NPHP3: variants seen among roughly 807,000 people sequenced by gnomAD.
The protein encoded by NPHP3 is nephrocystin-3.
In NPHP3, 123 loss-of-function variants were observed where a neutral mutation model predicts 171.9. That is an observed-to-expected ratio of 0.72 (90% confidence interval 0.62 to 0.83). The LOEUF is 0.83. Ranked by LOEUF, NPHP3 falls within the 40% of genes least tolerant of loss-of-function variation. The pLI is 0.00. For synonymous variants in NPHP3, 558 were observed against 579.2 expected (o/e 0.96, Z 0.52); for missense variants, 1,506 against 1,591.9 (o/e 0.95, Z 0.92).
intron 8 of NPHP3, among the ~76,000 whole-genome samples, chr3:132,704,976 G>T (rs1170299483): frequency 6.6e-6 from 1 of 152,048 alleles, no homozygotes; most frequent in African/African-American, 2.4e-5. Context: ...GTTGCCAGAG[G>T]TCATATCATT....
rs1346771272 is a variant in NPHP3 at position 132,699,964 on chromosome 3, T to C, written c.1841A>G (p.His614Arg). 4 of 1,614,078 alleles carry C rather than the reference T, an allele frequency of 2.5e-6. No individual in the cohort carries two copies. Among genetic ancestry groups the C allele is most frequent in the East Asian group, 4.5e-5 (2 of 44,886 alleles). Residue 614 changes from histidine to arginine, a missense_variant, in exon 12 of 27, where the codon CAT (histidine) becomes CGT (arginine). By Grantham distance (29) the His-to-Arg change is conservative (BLOSUM62 0). This residue lies in a region of NPHP3 where 930 missense variants were observed against 924.9 expected (regional missense o/e 1.01). Coordinates refer to ENST00000337331, the MANE Select transcript of NPHP3 (RefSeq NM_153240.5). ...AATAACGATGATGATGCTGCCTTGATGACGAGCAGAGAGTTTTTCCAGCCA... is the reference window on the plus strand; with the variant it reads ...AATAACGATGATGATGCTGCCTTGACGACGAGCAGAGAGTTTTTCCAGCCA... ...PRWLEKLSAR[H>R]QGSIIIVIDS...
chr3:132,712,100 T>C (rs922079359), intron 6 of NPHP3, among the ~76,000 whole-genome samples: 2 of 151,994 alleles, frequency 1.3e-5, no homozygotes, highest in Non-Finnish European at 2.9e-5. Context: ...TTTATCTCTA[T>C]ATCTAACTGG....
intron 3 of NPHP3, among the ~76,000 whole-genome samples, chr3:132,717,548 G>A (rs898619457): frequency 6.6e-6 from 1 of 152,078 alleles, no homozygotes; most frequent in African/African-American, 2.4e-5. Context: ...TCACATGGGT[G>A]ACATTCCCCC....
chr3:132,697,165 A>G, intron 14 of NPHP3, 95 bp downstream of exon 14: 2 of 885,352 alleles, frequency 2.3e-6, no homozygotes, highest in Middle Eastern at 2.3e-4. Context: ...TTTTCCTTAT[A>G]ACAGATCCCC....
At chr3:132,708,590 G>A (rs543333259) in intron 6 of NPHP3, among the ~76,000 whole-genome samples, 1 of 152,184 alleles carries the variant, frequency 6.6e-6, no homozygotes, top group Admixed American at 6.5e-5. Context: ...CTAGACTCAT[G>A]AGACTTTGAA....
rs1186561814 is a variant in NPHP3, at chr3:132,713,153, A to G, written c.1091T>C (p.Ile364Thr). ...KWEIEKSSLV[I>T]LFIHLTLPSL... is the part of the protein sequence containing the mutation. ...TGGTAATGTTAAGTGAATAAATAAA[A>G]TAACTAAAGAACTTTTCTCAATTTC... The change falls in exon 6 of 27, where the codon ATT (isoleucine) becomes ACT (threonine). Residue 364 changes from isoleucine (I) to threonine (T), a missense_variant. Ile to Thr is a moderately conservative substitution (Grantham distance 89, BLOSUM62 -1). Coordinates refer to ENST00000337331, the MANE Select transcript of NPHP3 (RefSeq NM_153240.5). The G allele has an allele frequency of 1.3e-6, 2 of 1,486,246 alleles. No homozygotes were observed. Among genetic ancestry groups the G allele is most frequent in the African/African-American group, 2.8e-5 (2 of 71,642 alleles). The allele number at this position is 1,486,246 out of a possible 1,614,324, so 92.1% of individuals were successfully genotyped here. A position where few individuals can be genotyped will look rare whatever the true frequency, so the allele number is the denominator to read the frequency against.
Position 132,682,100 on chromosome 3 carries a change from A to G in NPHP3, c.3813-10T>C, listed in dbSNP as rs372263313. On this transcript the variant is annotated splice_polypyrimidine_tract_variant and intron_variant, in intron 26 of 26. Transcript: ENST00000337331. ...ATCTCCTCCTTCATAGCTTTGAGAGAGAAAACAAAAACTCTTAAAATGAGA... is the reference window on the plus strand; with the variant it reads ...ATCTCCTCCTTCATAGCTTTGAGAGGGAAAACAAAAACTCTTAAAATGAGA... 4.5e-5 allele frequency: 73 copies of G among 1,611,724 alleles called. No homozygotes were observed. The highest frequency in any genetic ancestry group is 5.1e-6 in the Non-Finnish European group (6 of 1,177,988).
intron 16 of NPHP3, 137 bp downstream of exon 16, chr3:132,694,690 C>T: frequency 1.1e-6 from 1 of 892,514 alleles, no homozygotes; most frequent in Non-Finnish European, 1.7e-6. Context: ...TTTCCACAAG[C>T]ACACTATGGC....
chr3:132,711,860 G>T (rs7340663), intron 6 of NPHP3, among the ~76,000 whole-genome samples: 5 of 152,150 alleles, frequency 3.3e-5, no homozygotes, highest in African/African-American at 9.7e-5. Context: ...CTGGATGAAG[G>T]CTCATTGACC....
At chr3:132,717,631 A>G (rs1940088779) in intron 3 of NPHP3, among the ~76,000 whole-genome samples, 1 of 152,224 alleles carries the variant, frequency 6.6e-6, no homozygotes, top group Admixed American at 6.5e-5. Context: ...CTAACTTGCC[A>G]AGACAATTAC....
At chr3:132,712,435 T>C in intron 6 of NPHP3, 1 of 457,026 alleles carries the variant, frequency 2.2e-6, no homozygotes, top group Non-Finnish European at 4.4e-6. Flanking sequence ...GTTGTAAAGA[T>C]TCAACTTTGC....
intron 19 of NPHP3, 23 bp downstream of exon 19, chr3:132,690,505 A>G: frequency 6.2e-7 from 1 of 1,606,536 alleles, no homozygotes; most frequent in Non-Finnish European, 8.5e-7. Flanking sequence ...TTCTGGGGAA[A>G]GATGTTCTAT....
intron 7 of NPHP3, among the ~76,000 whole-genome samples, chr3:132,706,174 A>G (rs1013278901): frequency 6.6e-6 from 1 of 152,084 alleles, no homozygotes; most frequent in Non-Finnish European, 1.5e-5. Context: ...CCTGGCTAAC[A>G]TGGTGAAACC....
At chr3:132,701,218 T>C (rs1174082784) in intron 10 of NPHP3, among the ~76,000 whole-genome samples, 1 of 152,242 alleles carries the variant, frequency 6.6e-6, no homozygotes, top group East Asian at 1.9e-4. Flanking sequence ...TAATCATAAA[T>C]GTTCATGCTT....
chr3:132,690,804 A>G (rs962518523), intron 18 of NPHP3, among the ~76,000 whole-genome samples, 154 bp from the exon 19 acceptor site: 2 of 152,210 alleles, frequency 1.3e-5, no homozygotes, highest in South Asian at 2.1e-4. Context: ...TCAAAATCAG[A>G]GACTTTACCA....
intron 9 of NPHP3, among the ~76,000 whole-genome samples, chr3:132,702,949 A>G (rs1939653931): frequency 6.6e-6 from 1 of 152,204 alleles, no homozygotes; most frequent in Admixed American, 6.5e-5. Flanking sequence ...TGGAGCCAGA[A>G]AAGAACGAGG....
intron 10 of NPHP3, 67 bp downstream of exon 10, chr3:132,701,363 A>T: frequency 9.0e-7 from 1 of 1,114,638 alleles, no homozygotes; most frequent in Admixed American, 1.7e-5. Flanking sequence ...GGCATGCAAT[A>T]CATTTTGTTG....
At chr3:132,694,629 C>G (rs1939398489) in intron 16 of NPHP3, among the ~76,000 whole-genome samples, 198 bp downstream of exon 16, 1 of 151,828 alleles carries the variant, frequency 6.6e-6, no homozygotes, top group Non-Finnish European at 1.5e-5. Context: ...AAAAGGATAG[C>G]CAATAACATG....
In NPHP3 at chr3:132,705,620, C is replaced by T. The variant is rs79953884; in HGVS notation, c.1350+120G>A. On this transcript the variant is annotated intron_variant, in intron 8 of 26. Coordinates refer to ENST00000337331, the MANE Select transcript of NPHP3 (RefSeq NM_153240.5). The stretch of plus-strand genomic sequence containing the variant: ...GATGGACTCCCAACAGAAACAACAG[C>T]GCCTTCCTCAGGTACTGTGTTCAAA... The T allele has an allele frequency of 8.5e-3, 5,198 of 611,234 alleles. 210 individuals carry two copies. The highest frequency in any genetic ancestry group is 0.081 in the African/African-American group (4,358 of 53,950). 37.9% of individuals were successfully genotyped at this position (611,234 alleles called of 1,614,324 possible).
Sources: gnomAD v4.1 joint callset for allele counts (sites outside exome capture counted in the v4.1 genomes callset) on GRCh38, gnomAD v4.1.1 for gene constraint, gnomAD v4.1.1 regional missense constraint, MANE v1.5 for transcripts, NCBI Gene and HGNC (gene_info 2026-07-23, HGNC 2026-07-21) for gene names.